Variants in MTFR1 observed in about 807,000 individuals in gnomAD.
The protein encoded by MTFR1 is chondrocyte protein with a poly-proline region.
In MTFR1, 28 loss-of-function variants were observed where a neutral mutation model predicts 38.8. The observed-to-expected ratio is 0.72, with a 90% CI of 0.53 to 0.99. The LOEUF (loss-of-function observed/expected upper bound fraction) is 0.99, where lower values mean the gene tolerates loss of function less well. Among genes scored for constraint, MTFR1 ranks in the 50% least tolerant of loss-of-function variants. MTFR1 has a pLI of 0.00. For missense variants in MTFR1, 358 were observed against 395.5 expected (o/e 0.91, Z 0.81); for synonymous variants, 145 against 137.0 (o/e 1.06, Z -0.41).
intron 3 of MTFR1, among the ~76,000 whole-genome samples, chr8:65,724,095 C>A (rs1195841786): frequency 1.3e-5 from 2 of 152,152 alleles, no homozygotes; most frequent in African/African-American, 4.8e-5. Flanking sequence ...AAAACAGATG[C>A]TCAATTTGTA....
chr8:65,701,181 T>A (rs1805604411), intron 4 of MTFR1, among the ~76,000 whole-genome samples: 1 of 152,250 alleles, frequency 6.6e-6, no homozygotes, highest in East Asian at 1.9e-4. Flanking sequence ...ATTGAAGCCC[T>A]CAAAATCATC....
At chr8:65,724,349 C>A in intron 3 of MTFR1, 1 of 1,608,178 alleles carries the variant, frequency 6.2e-7, no homozygotes, top group South Asian at 1.1e-5. Context: ...ATTTCAAAGC[C>A]ATCTAGCAAA....
chr8:65,747,736 A>G (rs760064920), intron 3 of MTFR1: 1 of 1,608,024 alleles, frequency 6.2e-7, no homozygotes, highest in African/African-American at 1.3e-5. Flanking sequence ...AAGATCTAAG[A>G]TATCGCTGGA....
intron 3 of MTFR1, among the ~76,000 whole-genome samples, chr8:65,684,233 T>C (rs549386652): frequency 6.6e-6 from 1 of 152,278 alleles, no homozygotes; most frequent in African/African-American, 2.4e-5. Context: ...AAAAAGAGTA[T>C]TAGATTTAAC....
intron 3 of MTFR1, among the ~76,000 whole-genome samples, chr8:65,741,851 A>G (rs899376892): frequency 2.0e-5 from 3 of 152,262 alleles, no homozygotes; most frequent in African/African-American, 7.2e-5. Context: ...AGGATGTAGA[A>G]TAAGTTTTAA....
At chr8:65,727,189 T>TA in intron 3 of MTFR1, 1 of 1,604,884 alleles carries the variant, frequency 6.2e-7, no homozygotes, top group Non-Finnish European at 8.5e-7. Context: ...AGTTGCCAAG[T>TA]AATGGTTAGT....
At chr8:65,726,286 T>G (rs189110071) in intron 3 of MTFR1, among the ~76,000 whole-genome samples, 1 of 152,312 alleles carries the variant, frequency 6.6e-6, no homozygotes, top group East Asian at 1.9e-4. Flanking sequence ...GTGTTAGCCT[T>G]ATTCACATTA....
chr8:65,739,117 A>C (rs1182973144), intron 3 of MTFR1, among the ~76,000 whole-genome samples: 8 of 152,272 alleles, frequency 5.3e-5, no homozygotes, highest in Non-Finnish European at 1.2e-4. Context: ...CAGCTCGGCT[A>C]ATTGTAAAAT....
At chr8:65,760,821 T>C (rs1051502913) in intron 3 of MTFR1, among the ~76,000 whole-genome samples, 5 of 152,028 alleles carry the variant, frequency 3.3e-5, no homozygotes, top group Non-Finnish European at 7.4e-5. Context: ...TACACCCAGG[T>C]GTTCTGTCAG....
At chr8:65,769,167 G>A (rs1184447498) in intron 3 of MTFR1, among the ~76,000 whole-genome samples, 1 of 147,286 alleles carries the variant, frequency 6.8e-6, no homozygotes, top group African/African-American at 2.5e-5. Flanking sequence ...AGAATTGCTT[G>A]AACCAGGGAG....
chr8:65,713,771 C>T (rs1253369531), downstream of MTFR1, among the ~76,000 whole-genome samples: 1 of 152,144 alleles, frequency 6.6e-6, no homozygotes, highest in Non-Finnish European at 1.5e-5. Context: ...GTAACCTCTG[C>T]CTCTTGGGTT....
At chr8:65,682,300 T>C (rs1585773324) in intron 2 of MTFR1, 53 bp from the exon 3 acceptor site, 1 of 886,972 alleles carries the variant, frequency 1.1e-6, no homozygotes, top group East Asian at 2.8e-5. Context: ...TGCTTTGTCT[T>C]AACAGTTCTG....
chr8:65,700,091 T>C (rs543286412), intron 4 of MTFR1, among the ~76,000 whole-genome samples: 40 of 152,010 alleles, frequency 2.6e-4, no homozygotes, highest in African/African-American at 8.2e-4. Context: ...TGGCTCATGC[T>C]TATAATCCCA....
chr8:65,737,305 G>A (rs186689348), intron 3 of MTFR1, among the ~76,000 whole-genome samples: 1 of 152,066 alleles, frequency 6.6e-6, no homozygotes, highest in Non-Finnish European at 1.5e-5. Flanking sequence ...AGGATGAAGG[G>A]ATAAACAGCC....
At chr8:65,666,794 A>C (rs1804393172) in intron 1 of MTFR1, among the ~76,000 whole-genome samples, 1 of 152,198 alleles carries the variant, frequency 6.6e-6, no homozygotes, top group Non-Finnish European at 1.5e-5. Flanking sequence ...TGTTTGGAAC[A>C]CCAATAAATA....
At chr8:65,703,433 T>TTTG (rs1805680580) in intron 4 of MTFR1, among the ~76,000 whole-genome samples, 1 of 116,880 alleles carries the variant, frequency 8.6e-6, no homozygotes, top group African/African-American at 3.2e-5. Context: ...TTTTTTTTTT[T>TTTG]TTTTTTTTTT....
At chr8:65,698,622 T>G in intron 4 of MTFR1, among the ~76,000 whole-genome samples, 1 of 152,320 alleles carries the variant, frequency 6.6e-6, no homozygotes, top group South Asian at 2.1e-4. Context: ...TTATGGATGT[T>G]TGGTGTACAG....
chr8:65,710,978 C>CATAT (rs201983025), downstream of MTFR1, among the ~76,000 whole-genome samples: 5,978 of 149,736 alleles, frequency 0.04, 473 homozygotes, highest in East Asian at 0.34. Flanking sequence ...GAGGGACTCT[C>CATAT]ATATATATAT....
chr8:65,727,118 A>T, intron 3 of MTFR1: 2 of 1,202,020 alleles, frequency 1.7e-6, no homozygotes, highest in Non-Finnish European at 2.4e-6. Context: ...AAAATATGAA[A>T]GATTTTCTAG....
Sources: allele counts gnomAD v4.1 joint callset (sites outside exome capture counted in the v4.1 genomes callset), GRCh38; gene constraint gnomAD v4.1.1; transcripts MANE v1.5; gene names NCBI Gene and HGNC (gene_info 2026-07-23, HGNC 2026-07-21).